FKBP9: variants seen among roughly 807,000 people sequenced by gnomAD.
The protein encoded by FKBP9 is peptidyl-prolyl cis-trans isomerase FKBP9.
In FKBP9, 27 loss-of-function variants were observed where a neutral mutation model predicts 55.6. The ratio of observed to expected loss-of-function variants is 0.49; its 90% CI spans 0.36 to 0.67. The LOEUF (loss-of-function observed/expected upper bound fraction) is 0.67. FKBP9 is among the 30% of genes least tolerant of loss of function. The pLI, the probability that FKBP9 is intolerant of heterozygous loss-of-function variation, is 0.00. For missense variants in FKBP9, 539 were observed against 742.8 expected (o/e 0.73, Z 3.19); for synonymous variants, 267 against 296.5 (o/e 0.90, Z 1.02).
At chr7:32,978,057 G>T (rs1784400817) in intron 4 of FKBP9, among the ~76,000 whole-genome samples, 1 of 151,392 alleles carries the variant, frequency 6.6e-6, no homozygotes, top group East Asian at 2.0e-4. Context: ...GGGTAGCTTG[G>T]ACTACAGGCG....
intron 5 of FKBP9, among the ~76,000 whole-genome samples, chr7:32,985,327 C>G (rs1191897396): frequency 6.6e-6 from 1 of 151,820 alleles, no homozygotes; most frequent in Non-Finnish European, 1.5e-5. Context: ...CAGGCACATG[C>G]CACCAGGCCC....
chr7:32,972,212 T>A (rs1343222378), intron 1 of FKBP9, among the ~76,000 whole-genome samples: 2 of 151,316 alleles, frequency 1.3e-5, no homozygotes, highest in South Asian at 2.1e-4. Flanking sequence ...GCCCCGGAGG[T>A]AGAGGGTGGA....
chr7:32,972,162 T>G (rs1784265298), intron 1 of FKBP9, among the ~76,000 whole-genome samples: 1 of 152,082 alleles, frequency 6.6e-6, no homozygotes, highest in South Asian at 2.1e-4. Context: ...CCCAGCCAAG[T>G]GTAATTCAAG....
At position 32,975,254 on chromosome 7, in the gene FKBP9, A is replaced by C; in HGVS notation, c.440A>C (p.Gln147Pro). 2 of 1,613,608 alleles carry C rather than the reference A, an allele frequency of 1.2e-6. No individual in the cohort carries two copies. The highest frequency in any genetic ancestry group is 1.7e-6 in the Non-Finnish European group (2 of 1,179,490). Residue 147 changes from glutamine (Q) to proline (P), a missense_variant, in exon 3 of 10, where the codon CAG becomes CCG. Gln to Pro is a moderately conservative substitution (Grantham distance 76, BLOSUM62 -1). This residue lies in a region of FKBP9 where 236 missense variants were observed against 271.5 expected (regional missense o/e 0.87). Transcript: ENST00000242209. ...LLMDIWNSED[Q>P]VQIHTYFKPP... Reference sequence around the variant, plus strand: ...ATGGATATTTGGAATTCTGAAGACCAGGTTCAGATTCACACCTATTTCAAG... The same window carrying C: ...ATGGATATTTGGAATTCTGAAGACCCGGTTCAGATTCACACCTATTTCAAG...
chr7:32,999,261 T>C (rs1315143799), intron 7 of FKBP9, among the ~76,000 whole-genome samples: 1 of 152,114 alleles, frequency 6.6e-6, no homozygotes, highest in East Asian at 1.9e-4. Context: ...CCCGTCCATG[T>C]TGTCCCCAGT....
At chr7:32,995,472 A>G (rs774578464) in intron 6 of FKBP9, among the ~76,000 whole-genome samples, 8 of 152,198 alleles carry the variant, frequency 5.3e-5, no homozygotes, top group Non-Finnish European at 1.2e-4. Flanking sequence ...CCTACCCCAT[A>G]AGGTTGCTGC....
chr7:32,973,581 GT>G (rs1250904824), intron 1 of FKBP9, among the ~76,000 whole-genome samples: 6 of 2,494 alleles, frequency 2.4e-3, no homozygotes, highest in Non-Finnish European at 0.015. Flanking sequence ...AAAAAATCAA[GT>G]GTGTGTGTGT....
Position 33,006,080 on chromosome 7 carries a change from C to G in FKBP9, c.*729C>G, listed in dbSNP as rs956830246. 1 of 206,708 alleles carries G rather than the reference C, an allele frequency of 4.8e-6. No homozygotes were observed. Among genetic ancestry groups the G allele is most frequent in the Admixed American group, 6.6e-5 (1 of 15,070 alleles). 12.8% of individuals were successfully genotyped at this position (206,708 alleles called of 1,614,324 possible). A position where few individuals can be genotyped will look rare whatever the true frequency, so the allele number is the denominator to read the frequency against. On this transcript the variant is annotated 3_prime_UTR_variant, in exon 10 of 10. Transcript: ENST00000242209. ...TTTGCCACATAAGTCATCTGCTTAG[C>G]TTTTCCTTTCCTTTTTTTTTTTTTT... is the stretch of plus-strand genomic sequence containing the variant.
At chr7:32,976,017 GAGGGAAA>G (rs1784357328) in intron 3 of FKBP9, among the ~76,000 whole-genome samples, 1 of 152,294 alleles carries the variant, frequency 6.6e-6, no homozygotes, top group South Asian at 2.1e-4. Flanking sequence ...ATGGAAGCAA[GAGGGAAA>G]AGATGAATGT....
intron 5 of FKBP9, among the ~76,000 whole-genome samples, chr7:32,984,858 T>C (rs1460794523): frequency 6.6e-6 from 1 of 152,212 alleles, no homozygotes; most frequent in African/African-American, 2.4e-5. Flanking sequence ...TAAAAGGTGA[T>C]TTTTGTTATG....
Position 33,006,391 on chromosome 7 carries a change from G to A in FKBP9, c.*1040G>A, listed in dbSNP as rs575851132. On this transcript the variant is annotated 3_prime_UTR_variant, in exon 10 of 10. Transcript: ENST00000242209. Reference sequence around the variant, plus strand: ...GGCCTCCCAAAGTGTTGGGATTACAGGCGTGACTCACCATGCCCAGCCACT... The same window carrying A: ...GGCCTCCCAAAGTGTTGGGATTACAAGCGTGACTCACCATGCCCAGCCACT... The A allele has an allele frequency of 9.9e-6, 2 of 202,254 alleles. No homozygotes were observed. Among genetic ancestry groups the A allele is most frequent in the African/African-American group, 4.6e-5 (2 of 43,726 alleles). The allele number at this position is 202,254 out of a possible 1,614,324, so 12.5% of individuals were successfully genotyped here.
At chr7:32,984,205 CTTT>C (rs1363826233) in intron 5 of FKBP9, among the ~76,000 whole-genome samples, 1 of 150,878 alleles carries the variant, frequency 6.6e-6, no homozygotes, top group Non-Finnish European at 1.5e-5. Flanking sequence ...TTAAGATATT[CTTT>C]ATTAGAATTT....
chr7:32,978,375 T>C (rs969823961), intron 4 of FKBP9, among the ~76,000 whole-genome samples: 2 of 152,094 alleles, frequency 1.3e-5, no homozygotes, highest in Non-Finnish European at 2.9e-5. Flanking sequence ...GATACTGTTA[T>C]TATTATTTTT....
chr7:32,961,950 C>T (rs11768331), intron 1 of FKBP9, among the ~76,000 whole-genome samples: 45,516 of 151,708 alleles, frequency 0.3, 8,186 homozygotes, highest in African/African-American at 0.5. Context: ...TTATATATTA[C>T]GGTGTAATAA....
chr7:32,977,850 C>CATAT (rs71559287), intron 4 of FKBP9, among the ~76,000 whole-genome samples: 3 of 131,926 alleles, frequency 2.3e-5, no homozygotes, highest in Non-Finnish European at 4.7e-5. Context: ...TATATACACT[C>CATAT]ATATATATAT....
In FKBP9 at chr7:33,006,208, C is replaced by T. The variant is rs1450218503; in HGVS notation, c.*857C>T. 2.0e-4 allele frequency: 40 copies of T among 196,946 alleles called. No individual in the cohort carries two copies. The highest frequency in any genetic ancestry group is 9.0e-4 in the African/African-American group (39 of 43,094). The allele number at this position is 196,946 out of a possible 1,614,324, so 12.2% of individuals were successfully genotyped here. A position where few individuals can be genotyped will look rare whatever the true frequency, so the allele number is the denominator to read the frequency against. On this transcript the variant is annotated 3_prime_UTR_variant, in exon 10 of 10. Coordinates refer to ENST00000242209, the MANE Select transcript of FKBP9 (RefSeq NM_007270.5). ...TCTCGGCTCACTGCAGCCTCCGCCT[C>T]CCGTATTCAAGCGATTCTCCTGTCT... is the stretch of plus-strand genomic sequence containing the variant.
intron 1 of FKBP9, among the ~76,000 whole-genome samples, chr7:32,965,870 T>TATATATGTATAC (rs1562563084): frequency 2.8e-5 from 1 of 35,946 alleles, no homozygotes; most frequent in African/African-American, 1.5e-4. Context: ...TATATATACA[T>TATATATGTATAC]ACATATATAT....
chr7:32,968,627 C>T (rs1054099638), intron 1 of FKBP9, among the ~76,000 whole-genome samples: 5 of 150,702 alleles, frequency 3.3e-5, no homozygotes, highest in African/African-American at 1.2e-4. Flanking sequence ...GGCAGGAGTG[C>T]AATGGTGTGA....
At chr7:32,998,403 T>A (rs1213739680) in intron 7 of FKBP9, 1 of 152,136 alleles carries the variant, frequency 6.6e-6, no homozygotes, top group Non-Finnish European at 1.5e-5. Flanking sequence ...GCTTCTCACG[T>A]GGGGCGGGGA....
Sources: allele counts gnomAD v4.1 joint callset (sites outside exome capture counted in the v4.1 genomes callset), GRCh38; gene constraint gnomAD v4.1.1; regional missense constraint gnomAD v4.1.1; transcripts MANE v1.5; gene names NCBI Gene and HGNC (gene_info 2026-07-23, HGNC 2026-07-21).